Variants in RAB3C observed in about 807,000 individuals in gnomAD.
The protein encoded by RAB3C is RAB3C, member RAS oncogene family.
A neutral mutation model predicts 26.4 loss-of-function variants in RAB3C; 17 were observed. The observed-to-expected ratio is 0.64, with a 90% CI of 0.44 to 0.97. The LOEUF (loss-of-function observed/expected upper bound fraction) is 0.97. Ranked by LOEUF, RAB3C falls within the 50% of genes least tolerant of loss-of-function variation. The pLI, the probability that RAB3C is intolerant of heterozygous loss-of-function variation, is 0.00. For synonymous variants in RAB3C, 91 were observed against 95.9 expected, an observed-to-expected ratio of 0.95 and a Z score of 0.30; for missense variants, 242 against 281.9, an observed-to-expected ratio of 0.86 and a Z score of 1.01.
chr5:58,604,575 A>G (rs1746521093), intron 1 of RAB3C, among the ~76,000 whole-genome samples: 1 of 152,116 alleles, frequency 6.6e-6, no homozygotes. Flanking sequence ...GGAGGTTGTC[A>G]GGAAAGTAGG....
At chr5:58,776,103 A>G (rs1742135433) in intron 3 of RAB3C, among the ~76,000 whole-genome samples, 1 of 151,900 alleles carries the variant, frequency 6.6e-6, no homozygotes, top group African/African-American at 2.4e-5. Flanking sequence ...CTCTGCAGGA[A>G]CTCACTCTCT....
intron 3 of RAB3C, among the ~76,000 whole-genome samples, chr5:58,773,973 T>G (rs1342822191): frequency 6.6e-6 from 1 of 152,110 alleles, no homozygotes; most frequent in African/African-American, 2.4e-5. Flanking sequence ...CCTAACTACC[T>G]TCCATTAACA....
chr5:58,826,998 A>C (rs1307012585), intron 4 of RAB3C, among the ~76,000 whole-genome samples: 1 of 152,168 alleles, frequency 6.6e-6, no homozygotes, highest in African/African-American at 2.4e-5. Flanking sequence ...GAACCCTTCC[A>C]CCAAATATTC....
At chr5:58,651,272 C>T (rs1165297085) in intron 2 of RAB3C, among the ~76,000 whole-genome samples, 4 of 152,148 alleles carry the variant, frequency 2.6e-5, no homozygotes, top group African/African-American at 9.7e-5. Flanking sequence ...TCATGACTGA[C>T]ACTGAGTGTA....
At chr5:58,653,877 C>T (rs1048263061) in intron 2 of RAB3C, among the ~76,000 whole-genome samples, 1 of 152,194 alleles carries the variant, frequency 6.6e-6, no homozygotes, top group Non-Finnish European at 1.5e-5. Flanking sequence ...AAGTTTTGTG[C>T]ATCCTAATTC....
At chr5:58,731,573 G>T (rs1176433814) in intron 3 of RAB3C, among the ~76,000 whole-genome samples, 2 of 152,126 alleles carry the variant, frequency 1.3e-5, no homozygotes, top group Non-Finnish European at 2.9e-5. Flanking sequence ...GAGGAGAAAA[G>T]GGAGCATCAG....
chr5:58,695,942 A>G (rs1459478571), intron 2 of RAB3C, among the ~76,000 whole-genome samples: 1 of 152,210 alleles, frequency 6.6e-6, no homozygotes, highest in Admixed American at 6.5e-5. Context: ...TGCCCTGGCC[A>G]GAATTTCCAA....
Position 58,695,079 on chromosome 5 carries a change from CT to C in RAB3C, c.253-30920del, listed in dbSNP as rs375169627. 4.4e-3 allele frequency among the ~76,000 whole-genome samples: 667 copies of C among 152,284 alleles called. 1 individual carries two copies. The highest frequency in any genetic ancestry group is 7.2e-3 in the Non-Finnish European group (491 of 68,018). On this transcript the variant is annotated intron_variant, in intron 2 of 4. Coordinates refer to ENST00000282878, the MANE Select transcript of RAB3C (RefSeq NM_138453.4). ...ATGGTTTTAGGTCTAACATTTAAGT[CT>C]TTAATCCATCTTGAACTAATTTTTA... is the stretch of plus-strand genomic sequence containing the variant.
At chr5:58,659,758 G>C (rs543315826) in intron 2 of RAB3C, among the ~76,000 whole-genome samples, 26 of 152,252 alleles carry the variant, frequency 1.7e-4, no homozygotes, top group Non-Finnish European at 3.4e-4. Context: ...GCTGAAAAAT[G>C]GTTGTAATCC....
chr5:58,851,228 T>C lies in RAB3C; in HGVS notation c.561T>C (p.Leu187=). 1 of 1,613,924 alleles carries C rather than the reference T, an allele frequency of 6.2e-7. No homozygotes were observed. The highest frequency in any genetic ancestry group is 8.5e-7 in the Non-Finnish European group (1 of 1,179,906). ...ATGTCAAGCAGACATTTGAGCGCCTTGTGGATATCATCTGCGACAAAATGT... is the reference window on the plus strand; with the variant it reads ...ATGTCAAGCAGACATTTGAGCGCCTCGTGGATATCATCTGCGACAAAATGT... ...NINVKQTFER[L]VDIICDKMSE... Residue 187 remains leucine, a synonymous_variant, in exon 5 of 5, where the codon CTT becomes CTC. Transcript: ENST00000282878.
intron 3 of RAB3C, among the ~76,000 whole-genome samples, chr5:58,784,492 T>C (rs1270430916): frequency 2.6e-5 from 4 of 152,100 alleles, no homozygotes. Flanking sequence ...CACGTGGAAA[T>C]TGTGGAAGCT....
intron 3 of RAB3C, among the ~76,000 whole-genome samples, chr5:58,727,504 A>C (rs540930854): frequency 4.6e-5 from 7 of 152,040 alleles, no homozygotes; most frequent in Non-Finnish European, 1.0e-4. Flanking sequence ...AACTCAAGGC[A>C]ATCTTAATTA....
intron 2 of RAB3C, among the ~76,000 whole-genome samples, chr5:58,682,316 T>G (rs1001149982): frequency 3.9e-5 from 6 of 152,230 alleles, no homozygotes; most frequent in African/African-American, 7.2e-5. Context: ...ATAGCTTTTT[T>G]GTACGTAGGT....
chr5:58,770,574 T>C (rs1007108813), intron 3 of RAB3C, among the ~76,000 whole-genome samples: 1 of 152,124 alleles, frequency 6.6e-6, no homozygotes, highest in African/African-American at 2.4e-5. Context: ...TTTTTGAGAG[T>C]TTCTAAAATA....
intron 3 of RAB3C, among the ~76,000 whole-genome samples, chr5:58,814,944 G>A (rs1743183911): frequency 6.6e-6 from 1 of 152,092 alleles, no homozygotes; most frequent in Non-Finnish European, 1.5e-5. Context: ...CAAGAACACT[G>A]CTTCTTGAGC....
chr5:58,797,396 T>TATATATATATATATACAC (rs1561133620), intron 3 of RAB3C, among the ~76,000 whole-genome samples: 3 of 116,812 alleles, frequency 2.6e-5, no homozygotes, highest in African/African-American at 1.1e-4. Flanking sequence ...TATATATATA[T>TATATATATATATATACAC]ACACAGAGAG....
intron 2 of RAB3C, among the ~76,000 whole-genome samples, chr5:58,681,735 A>G (rs1462379565): frequency 6.6e-6 from 1 of 152,214 alleles, no homozygotes; most frequent in African/African-American, 2.4e-5. Context: ...ACCTATAAAT[A>G]CTAGACTAGA....
rs113332230 is a variant in RAB3C, at chr5:58,693,340, A to G, written c.253-32662A>G. Among the ~76,000 whole-genome samples the G allele has an allele frequency of 4.4e-3, 320 of 72,858 alleles. 12 individuals are homozygous for G. Among genetic ancestry groups the G allele is most frequent in the Middle Eastern group, 0.015 (2 of 130 alleles). The allele number at this position is 72,858 out of a possible 152,430, so 47.8% of individuals were successfully genotyped here. A position where few individuals can be genotyped will look rare whatever the true frequency, so the allele number is the denominator to read the frequency against. Reference sequence around the variant, plus strand: ...TAAGAAATTATATATATATGTGTATATATATATATATATATATATATAAAA... The same window carrying G: ...TAAGAAATTATATATATATGTGTATGTATATATATATATATATATATAAAA... On this transcript the variant is annotated intron_variant, in intron 2 of 4. Coordinates refer to ENST00000282878, the MANE Select transcript of RAB3C (RefSeq NM_138453.4).
intron 3 of RAB3C, among the ~76,000 whole-genome samples, chr5:58,806,619 T>C (rs2112033685): frequency 6.6e-6 from 1 of 152,314 alleles, no homozygotes; most frequent in South Asian, 2.1e-4. Flanking sequence ...GTCCTGTGCA[T>C]GGAAGGATAT....
Sources: gnomAD v4.1 joint callset for allele counts (sites outside exome capture counted in the v4.1 genomes callset) on GRCh38, gnomAD v4.1.1 for gene constraint, MANE v1.5 for transcripts, NCBI Gene and HGNC (gene_info 2026-07-23, HGNC 2026-07-21) for gene names.